PRB4: variants seen among roughly 807,000 people sequenced by gnomAD.
PRB4 encodes proline rich protein BstNI subfamily 4, also known as basic salivary proline-rich protein 4.
A neutral mutation model predicts 9.1 loss-of-function variants in PRB4; 14 were observed. That is an observed-to-expected ratio of 1.54 (90% CI 1.02 to 2.41). PRB4 has a LOEUF of 2.41. PRB4 is among the 30% of genes most tolerant of loss of function. PRB4 has a pLI of 0.00. For missense variants in PRB4, 381 were observed against 299.3 expected, an observed-to-expected ratio of 1.27 and a Z score of -2.02; for synonymous variants, 102 against 108.5, an observed-to-expected ratio of 0.94 and a Z score of 0.37.
At position 11,308,358 on chromosome 12, in the gene PRB4, C is replaced by G. The variant is rs1052808; in HGVS notation, c.625G>C (p.Ala209Pro). 1,307,025 of 1,611,870 alleles carry G rather than the reference C, an allele frequency of 0.81. 531,691 individuals carry two copies. The highest frequency in any genetic ancestry group is 0.83 in the Non-Finnish European group (972,537 of 1,178,780). The change falls in exon 3 of 4, where the codon GCA (alanine) becomes CCA (proline). Residue 209 changes from alanine (A) to proline (P), a missense_variant. Physicochemically the swap from Ala to Pro is conservative, Grantham distance 27. Coordinates refer to ENST00000279575, the MANE Select transcript of PRB4 (RefSeq NM_002723.6). Reference protein sequence around the residue: ...PPGKPQGPPPAGGNPQQPQAP... With the variant: ...PPGKPQGPPPPGGNPQQPQAP... ...TGAGGCTGCTGGGGATTGCCTCCTG[C>G]TGGGGGTGGGCCTTGTGGCTTTCCA...
rs1343095409 is a variant in PRB4, at chr12:11,308,609, G to T, written c.374C>A (p.Pro125Gln). The T allele has an allele frequency of 1.5e-6, 2 of 1,347,324 alleles. No homozygotes were observed. Among genetic ancestry groups the T allele is most frequent in the Non-Finnish European group, 2.0e-6 (2 of 980,730 alleles). The allele number at this position is 1,347,324 out of a possible 1,614,324, so 83.5% of individuals were successfully genotyped here. ...PPPGKPERPP[P>Q]QGGNQSHRPP... ...ACGGTGGGACTGGTTGCCTCCTTGT[G>T]GGGGTGGTCTTTCTGGCTTTCCTGG... Residue 125 changes from proline (P) to glutamine (Q), a missense_variant, in exon 3 of 4, where the codon CCA becomes CAA. Physicochemically the swap from Pro to Gln is moderately conservative, Grantham distance 76. This residue lies in a region of PRB4 where 26 missense variants were observed against 59.1 expected (regional missense o/e 0.44). Coordinates refer to ENST00000279575, the MANE Select transcript of PRB4 (RefSeq NM_002723.6).
At chr12:11,307,750 A>G (rs1025303910) in intron 3 of PRB4, among the ~76,000 whole-genome samples, 27 of 152,166 alleles carry the variant, frequency 1.8e-4, no homozygotes, top group Admixed American at 6.5e-4. Context: ...ATTCCATTAG[A>G]TATTTTTTGT....
In PRB4 at chr12:11,309,280, G is replaced by A. The variant is rs1862998222; in HGVS notation, c.100+90C>T. 38 of 1,597,502 alleles carry A rather than the reference G, an allele frequency of 2.4e-5. 1 individual carries two copies. In the South Asian group the frequency reaches 4.2e-4, roughly 18 times the overall value. Reference sequence around the variant, plus strand: ...AATAACATTAATCAATTCCTGAAAGGAAAGTGTTGATAAGAAGACACTGGA... The same window carrying A: ...AATAACATTAATCAATTCCTGAAAGAAAAGTGTTGATAAGAAGACACTGGA... On this transcript the variant is annotated intron_variant, in intron 2 of 3. Coordinates refer to ENST00000279575, the MANE Select transcript of PRB4 (RefSeq NM_002723.6).
rs371842116 is a variant in PRB4 at position 11,308,294 on chromosome 12, G to C, written c.689C>G (p.Pro230Arg). 1 of 1,609,546 alleles carries C rather than the reference G, an allele frequency of 6.2e-7. No individual in the cohort carries two copies. Among genetic ancestry groups the C allele is most frequent in the South Asian group, 1.1e-5 (1 of 90,304 alleles). The change falls in exon 3 of 4, where the codon CCT (proline) becomes CGT (arginine). Residue 230 changes from proline (P) to arginine (R), a missense_variant. Transcript: ENST00000279575. ...PAGKPQGPPP[P>R]PQGGRPPRPA... is the part of the protein sequence containing the mutation. ...TCTGGGTGGCCTGCCCCCTTGAGGA[G>C]GTGGAGGTGGCCCCTGGGGCTTTCC... is the stretch of plus-strand genomic sequence containing the variant.
At chr12:11,309,220 A>C in intron 2 of PRB4, 150 bp downstream of exon 2, 1 of 1,381,264 alleles carries the variant, frequency 7.2e-7, no homozygotes, top group Middle Eastern at 1.8e-4. Context: ...CCCCAGAATC[A>C]AGTTTGCATG....
intron 2 of PRB4, 40 bp downstream of exon 2, chr12:11,309,330 A>G: frequency 6.2e-7 from 1 of 1,614,004 alleles, no homozygotes; most frequent in South Asian, 1.1e-5. Flanking sequence ...GTAAGCAGAA[A>G]AAGGGAGTCA....
intron 3 of PRB4, among the ~76,000 whole-genome samples, chr12:11,308,015 T>C (rs1486987449): frequency 6.6e-6 from 1 of 152,244 alleles, no homozygotes; most frequent in Non-Finnish European, 1.5e-5. Flanking sequence ...TCATATGGTA[T>C]GTTGTTTCTC....
At chr12:11,308,010 T>C (rs1862950700) in intron 3 of PRB4, among the ~76,000 whole-genome samples, 1 of 152,234 alleles carries the variant, frequency 6.6e-6, no homozygotes, top group Non-Finnish European at 1.5e-5. Context: ...ACAGATCATA[T>C]GGTATGTTGT....
chr12:11,308,290 A>G lies in PRB4; in HGVS notation c.693T>C (p.Pro231=). Residue 231 remains proline (P), a synonymous_variant, in exon 3 of 4, where the codon CCT becomes CCC. Transcript: ENST00000279575. ...CAGGTCTGGGTGGCCTGCCCCCTTGAGGAGGTGGAGGTGGCCCCTGGGGCT... is the reference window on the plus strand; with the variant it reads ...CAGGTCTGGGTGGCCTGCCCCCTTGGGGAGGTGGAGGTGGCCCCTGGGGCT... ...AGKPQGPPPP[P]QGGRPPRPAQ... is the part of the protein sequence containing the mutation. 1 of 1,608,850 alleles carries G rather than the reference A, an allele frequency of 6.2e-7. No homozygotes were observed.
At position 11,308,790 on chromosome 12, in the gene PRB4, C is replaced by T; in HGVS notation, c.193G>A (p.Gly65Arg). 2.5e-6 allele frequency: 4 copies of T among 1,591,340 alleles called. No individual in the cohort carries two copies. The highest frequency in any genetic ancestry group is 3.4e-6 in the Non-Finnish European group (4 of 1,167,514). The stretch of plus-strand genomic sequence containing the variant: ...GGTGGGGGACCTTGGGACTGGTTTC[C>T]TCCTTGTGGGGGTGGTCCTTGTGGC... Reference protein sequence around the residue: ...GKPQGPPPQGGNQSQGPPPPP... With the variant: ...GKPQGPPPQGRNQSQGPPPPP... The change falls in exon 3 of 4, where the codon GGA becomes AGA. Residue 65 changes from glycine (G) to arginine (R), a missense_variant. Gly to Arg is a moderately radical substitution (Grantham distance 125, BLOSUM62 -2). Around this residue, in one of 3 missense-constraint regions of PRB4, gnomAD observed 151 missense variants for 105.8 expected, o/e 1.43. Transcript: ENST00000279575.
At chr12:11,307,440 T>A (rs1862938907) in intron 3 of PRB4, among the ~76,000 whole-genome samples, 4 of 152,178 alleles carry the variant, frequency 2.6e-5, no homozygotes, top group Admixed American at 2.6e-4. Context: ...AACGAAATCA[T>A]GGCACAGCTA....
chr12:11,308,107 G>C, intron 3 of PRB4, 114 bp downstream of exon 3: 1 of 1,255,396 alleles, frequency 8.0e-7, no homozygotes, highest in Non-Finnish European at 1.1e-6. Flanking sequence ...CAAATTTTTA[G>C]AAATGGGTTC....
At chr12:11,308,170 T>C (rs151135781) in intron 3 of PRB4, 51 bp downstream of exon 3, 8 of 1,551,832 alleles carry the variant, frequency 5.2e-6, no homozygotes, top group African/African-American at 2.7e-5. Flanking sequence ...ACAATAAAGT[T>C]GGAGAACTGT....
chr12:11,309,023 G>C, intron 2 of PRB4, 141 bp from the exon 3 acceptor site: 1 of 1,295,100 alleles, frequency 7.7e-7, no homozygotes, highest in Non-Finnish European at 1.1e-6. Flanking sequence ...TAGAACTCTG[G>C]AGTGGAACGC....
At position 11,310,354 on chromosome 12, in the gene PRB4, T is replaced by G. The variant is rs1863025582; in HGVS notation, c.45A>C (p.Ser15=). The part of the protein sequence containing the change: ...LLSVALLALS[S]AESSSEDVSQ... ...TTTTACCTTCACTTGAACTCTCAGC[T>G]GAGCTCAGGGCCAGCAGGGCCACTG... The change falls in exon 1 of 4, where the codon TCA becomes TCC. Residue 15 remains serine, a synonymous_variant. Transcript: ENST00000279575. The G allele has an allele frequency of 5.6e-6, 9 of 1,614,224 alleles. No homozygotes were observed. The highest frequency in any genetic ancestry group is 6.8e-6 in the Non-Finnish European group (8 of 1,180,032).
At position 11,308,770 on chromosome 12, in the gene PRB4, G is replaced by T. The variant is rs772390216; in HGVS notation, c.213C>A (p.Pro71=). ...CTTCTGGCTTTCCTGGAGGAGGTGG[G>T]GGACCTTGGGACTGGTTTCCTCCTT... ...PPQGGNQSQG[P]PPPPGKPEGR... The change falls in exon 3 of 4, where the codon CCC becomes CCA. Residue 71 remains proline (P), a synonymous_variant. Transcript: ENST00000279575. 1 of 1,606,686 alleles carries T rather than the reference G, an allele frequency of 6.2e-7. No homozygotes were observed.
chr12:11,308,491 T>G lies in PRB4; in HGVS notation c.492A>C (p.Gly164=). The G allele has an allele frequency of 6.2e-7, 1 of 1,613,394 alleles. No homozygotes were observed. Among genetic ancestry groups the G allele is most frequent in the South Asian group, 1.1e-5 (1 of 91,010 alleles). ...ACTTGTTTCCTTCCTGTGGGGGTGG[T>G]CCTTCTGGCTTTCCTGGATGAGGTG... The part of the protein sequence containing the change: ...GPPPHPGKPE[G]PPPQEGNKSR... Residue 164 remains glycine, a synonymous_variant, in exon 3 of 4, where the codon GGA becomes GGC. Coordinates refer to ENST00000279575, the MANE Select transcript of PRB4 (RefSeq NM_002723.6).
chr12:11,307,173 A>T lies in PRB4; in HGVS notation c.*45T>A, dbSNP rs1862931627. The T allele has an allele frequency of 6.5e-6, 1 of 153,402 alleles. No individual in the cohort carries two copies. The highest frequency in any genetic ancestry group is 2.1e-4 in the South Asian group (1 of 4,866). 9.5% of individuals were successfully genotyped at this position (153,402 alleles called of 1,614,324 possible). A position where few individuals can be genotyped will look rare whatever the true frequency, so the allele number is the denominator to read the frequency against. ...CATTTGTAGCAATTGAATTATTTGA[A>T]TTCACTGATATCTTCTTATTCACTT... On this transcript the variant is annotated 3_prime_UTR_variant, in exon 4 of 4. Coordinates refer to ENST00000279575, the MANE Select transcript of PRB4 (RefSeq NM_002723.6).
rs1198704695 is a variant in PRB4, at chr12:11,308,467, C to T, written c.516G>A (p.Lys172=). 2.5e-6 allele frequency: 4 copies of T among 1,613,218 alleles called. No individual in the cohort carries two copies. Among genetic ancestry groups the T allele is most frequent in the Middle Eastern group, 1.7e-4 (1 of 6,054 alleles). Residue 172 remains lysine (K), a synonymous_variant, in exon 3 of 4, where the codon AAG becomes AAA. Transcript: ENST00000279575. ...PEGPPPQEGN[K]SRSARSPPGK... ...CTGGAGGAGATCGGGCACTTCGGGA[C>T]TTGTTTCCTTCCTGTGGGGGTGGTC...
Sources: allele counts gnomAD v4.1 joint callset (sites outside exome capture counted in the v4.1 genomes callset), GRCh38; gene constraint gnomAD v4.1.1; regional missense constraint gnomAD v4.1.1; transcripts MANE v1.5; gene names NCBI Gene and HGNC (gene_info 2026-07-23, HGNC 2026-07-21).